Variants in SMOC2 observed in about 807,000 individuals in gnomAD.
SMOC2 encodes the protein SPARC-related modular calcium-binding protein 2.
A neutral mutation model predicts 61.4 loss-of-function variants in SMOC2; 39 were observed. That is an observed-to-expected ratio of 0.64 (90% CI 0.49 to 0.83). The LOEUF is 0.83. Among genes scored for constraint, SMOC2 ranks in the 40% least tolerant of loss-of-function variants. The pLI is 0.00. For missense variants in SMOC2, 556 were observed against 592.9 expected (o/e 0.94, Z 0.65); for synonymous variants, 247 against 239.9 (o/e 1.03, Z -0.27).
At chr6:168,596,278 C>T (rs892279340) in intron 7 of SMOC2, among the ~76,000 whole-genome samples, 1 of 135,180 alleles carries the variant, frequency 7.4e-6, no homozygotes, top group African/African-American at 2.7e-5. Flanking sequence ...GAACAGGTGC[C>T]ATGTGAACAC....
chr6:168,498,132 A>G (rs948298771), intron 1 of SMOC2, among the ~76,000 whole-genome samples: 37 of 152,100 alleles, frequency 2.4e-4, no homozygotes, highest in African/African-American at 8.7e-4. Context: ...CCTATTTTAA[A>G]TCCTTCAGTT....
rs555760611 is a variant in SMOC2 at position 168,628,237 on chromosome 6, C to G, written c.907+19998C>G. Among the ~76,000 whole-genome samples, 7 of 152,320 alleles carry G rather than the reference C, an allele frequency of 4.6e-5. No homozygotes were observed. The East Asian group carries it at 1.2e-3, about 25-fold the overall frequency. ...TATTTTAGCTTGACAAAACAAAGGGCCTCGTCGAGACATACACTTTCTTGA... is the reference window on the plus strand; with the variant it reads ...TATTTTAGCTTGACAAAACAAAGGGGCTCGTCGAGACATACACTTTCTTGA... On this transcript the variant is annotated intron_variant, in intron 9 of 12. Transcript: ENST00000356284.
At chr6:168,608,001 A>T (rs758962067) in intron 8 of SMOC2, among the ~76,000 whole-genome samples, 156 bp from the exon 9 acceptor site, 1 of 152,238 alleles carries the variant, frequency 6.6e-6, no homozygotes, top group Non-Finnish European at 1.5e-5. Context: ...CACAAAGGTG[A>T]CAGAAAGGAG....
chr6:168,583,473 G>A (rs1784969733), intron 7 of SMOC2, among the ~76,000 whole-genome samples: 1 of 152,256 alleles, frequency 6.6e-6, no homozygotes, highest in African/African-American at 2.4e-5. Context: ...CACAATGTCT[G>A]TGTATTGGGT....
chr6:168,579,482 TA>T (rs1784877898), intron 7 of SMOC2, among the ~76,000 whole-genome samples: 1 of 152,242 alleles, frequency 6.6e-6, no homozygotes, highest in African/African-American at 2.4e-5. Context: ...CTTCCAAATA[TA>T]ACATCAGGTG....
chr6:168,518,281 TGA>T (rs1339372218), intron 2 of SMOC2, among the ~76,000 whole-genome samples: 1 of 151,012 alleles, frequency 6.6e-6, no homozygotes, highest in Non-Finnish European at 1.5e-5. Flanking sequence ...TGCGGGGGTG[TGA>T]GTGTGAATGT....
chr6:168,519,125 ATGTGTATG>A (rs1203132247), intron 2 of SMOC2, among the ~76,000 whole-genome samples: 1 of 125,664 alleles, frequency 8.0e-6, no homozygotes, highest in Non-Finnish European at 1.7e-5. Context: ...GTATGCATGC[ATGTGTATG>A]TGTGCATGTG....
intron 7 of SMOC2, among the ~76,000 whole-genome samples, chr6:168,583,215 C>T (rs1279899922): frequency 1.3e-5 from 2 of 152,238 alleles, no homozygotes; most frequent in African/African-American, 2.4e-5. Context: ...GAGGTGGAGT[C>T]GCTGCCAGTG....
intron 6 of SMOC2, among the ~76,000 whole-genome samples, 171 bp downstream of exon 6, chr6:168,547,340 TA>T (rs34326012): frequency 0.63 from 90,753 of 143,126 alleles, 28,243 homozygotes; most frequent in East Asian, 0.97. Context: ...GGAATCTCTT[TA>T]AAAAAAACAA....
rs1782069341 is a variant in SMOC2 at position 168,475,871 on chromosome 6, C to T, written c.85-34044C>T. 1.3e-5 allele frequency among the ~76,000 whole-genome samples: 2 copies of T among 151,912 alleles called. No individual in the cohort carries two copies. The highest frequency in any genetic ancestry group is 1.5e-5 in the Non-Finnish European group (1 of 67,906). ...GGGAATGGGGTCAGGGTTCTCCAGGCGTGGGCTTCACGGGGGTCTGTGTCG... is the reference window on the plus strand; with the variant it reads ...GGGAATGGGGTCAGGGTTCTCCAGGTGTGGGCTTCACGGGGGTCTGTGTCG... On this transcript the variant is annotated intron_variant, in intron 1 of 12. Transcript: ENST00000356284. This position sits in a 1 kb window ranked among gnomAD's most constrained non-coding sequence, Gnocchi z 4.6.
intron 7 of SMOC2, among the ~76,000 whole-genome samples, chr6:168,591,773 C>A (rs1438139053): frequency 6.6e-6 from 1 of 151,600 alleles, no homozygotes; most frequent in Non-Finnish European, 1.5e-5. Flanking sequence ...ATTAACTCCT[C>A]AAAATTTATT....
chr6:168,567,788 A>G (rs1488634824), intron 7 of SMOC2, among the ~76,000 whole-genome samples: 1 of 152,210 alleles, frequency 6.6e-6, no homozygotes, highest in African/African-American at 2.4e-5. Context: ...GTCTCACATT[A>G]GAATTTAGTG....
At chr6:168,606,401 T>C (rs574635748) in intron 8 of SMOC2, among the ~76,000 whole-genome samples, 1 of 152,190 alleles carries the variant, frequency 6.6e-6, no homozygotes, top group African/African-American at 2.4e-5. Flanking sequence ...TTTGTCTGAC[T>C]GGGGTGGCAG....
chr6:168,522,930 A>G (rs1389345995), intron 2 of SMOC2, among the ~76,000 whole-genome samples: 1 of 152,068 alleles, frequency 6.6e-6, no homozygotes, highest in Non-Finnish European at 1.5e-5. Context: ...TGGCAGCTTA[A>G]CGGGCATTCT....
intron 9 of SMOC2, among the ~76,000 whole-genome samples, chr6:168,615,431 G>C (rs139977398): frequency 2.2e-5 from 1 of 46,272 alleles, no homozygotes; most frequent in East Asian, 7.0e-4. Flanking sequence ...AGCACAGGGG[G>C]CCTCTTCACA....
In SMOC2 at chr6:168,661,557, G is replaced by A. The variant is rs538809428; in HGVS notation, c.1286-2517G>A. 7.2e-5 allele frequency among the ~76,000 whole-genome samples: 11 copies of A among 152,158 alleles called. No homozygotes were observed. The South Asian group carries it at 1.0e-3, about 14-fold the overall frequency. Reference sequence around the variant, plus strand: ...TTGGAGGTTGCAGTGAGCTGAGATCGCGCCACTGCACTCCATCCTGGGTGG... The same window carrying A: ...TTGGAGGTTGCAGTGAGCTGAGATCACGCCACTGCACTCCATCCTGGGTGG... On this transcript the variant is annotated intron_variant, in intron 11 of 12. Transcript: ENST00000356284.
At chr6:168,487,460 T>C in intron 1 of SMOC2, among the ~76,000 whole-genome samples, 1 of 152,188 alleles carries the variant, frequency 6.6e-6, no homozygotes, top group East Asian at 1.9e-4. Flanking sequence ...GCACCGAAAA[T>C]TATCGTATGT....
At chr6:168,603,746 T>C (rs947278588) in intron 8 of SMOC2, among the ~76,000 whole-genome samples, 1 of 149,256 alleles carries the variant, frequency 6.7e-6, no homozygotes, top group African/African-American at 2.5e-5. Flanking sequence ...CAAGAGGGAC[T>C]TGGGATGGGG....
In SMOC2 at chr6:168,592,280, G is replaced by C. The variant is rs139398730; in HGVS notation, c.638-6538G>C. Among the ~76,000 whole-genome samples, 35 of 148,586 alleles carry C rather than the reference G, an allele frequency of 2.4e-4. 1 individual carries two copies. The highest frequency in any genetic ancestry group is 7.9e-4 in the African/African-American group (32 of 40,352). On this transcript the variant is annotated intron_variant, in intron 7 of 12. Transcript: ENST00000356284. ...CTAAGGCCTCACGGGCATCTTTCTA[G>C]AGGATCGTGGAGCTCCTCCTCCTCC...
Sources: gnomAD v4.1 joint callset for allele counts (sites outside exome capture counted in the v4.1 genomes callset) on GRCh38, gnomAD v4.1.1 for gene constraint, Gnocchi (gnomAD v3.1) non-coding constraint, MANE v1.5 for transcripts, NCBI Gene and HGNC (gene_info 2026-07-23, HGNC 2026-07-21) for gene names.